HTR1F: variants seen among roughly 807,000 people sequenced by gnomAD.
HTR1F encodes the protein 5-hydroxytryptamine (serotonin) receptor 1F, G protein-coupled.
A neutral mutation model predicts 24.0 loss-of-function variants in HTR1F; 17 were observed. The ratio of observed to expected loss-of-function variants is 0.71; its 90% confidence interval spans 0.48 to 1.06. HTR1F has a LOEUF of 1.06. HTR1F is among the 50% of genes least tolerant of loss of function. HTR1F has a pLI of 0.00. For synonymous variants in HTR1F, 186 were observed against 156.8 expected (o/e 1.19, Z -1.39); for missense variants, 391 against 427.8 (o/e 0.91, Z 0.76).
intron 1 of HTR1F, among the ~76,000 whole-genome samples, chr3:87,810,052 A>C: frequency 6.6e-6 from 1 of 151,862 alleles, no homozygotes; most frequent in Non-Finnish European, 1.5e-5. Flanking sequence ...AACAAGTTTC[A>C]GTGTTTTATT....
At chr3:87,952,318 T>C (rs1427863226) in intron 2 of HTR1F, among the ~76,000 whole-genome samples, 1 of 152,054 alleles carries the variant, frequency 6.6e-6, no homozygotes. Flanking sequence ...CCTGGGCTTA[T>C]AGTTTCTAAA....
chr3:87,861,108 G>A (rs9849417), intron 2 of HTR1F, among the ~76,000 whole-genome samples: 10,549 of 152,230 alleles, frequency 0.069, 1,169 homozygotes, highest in African/African-American at 0.23. Flanking sequence ...TGTGAGCCAA[G>A]ATCGCACCAC....
rs774079811 is a variant in HTR1F at position 87,915,236 on chromosome 3, C to A, written c.-42-75472C>A. 6.6e-5 allele frequency among the ~76,000 whole-genome samples: 10 copies of A among 152,148 alleles called. No homozygotes were observed. The South Asian group carries it at 1.7e-3, about 25-fold the overall frequency. ...GGCCTAGACCTCCCCTCTGACAGAGCCTACCCAAATGAGAAGGAACCAGAA... is the reference window on the plus strand; with the variant it reads ...GGCCTAGACCTCCCCTCTGACAGAGACTACCCAAATGAGAAGGAACCAGAA... On this transcript the variant is annotated intron_variant, in intron 2 of 2. Transcript: ENST00000319595.
intron 2 of HTR1F, among the ~76,000 whole-genome samples, chr3:87,939,297 G>A (rs550512282): frequency 7.9e-5 from 12 of 152,242 alleles, no homozygotes; most frequent in African/African-American, 1.4e-4. Context: ...AAGGATTTTC[G>A]CGTTGATGTT....
chr3:87,901,507 A>G (rs571056885), intron 2 of HTR1F, among the ~76,000 whole-genome samples: 167 of 152,256 alleles, frequency 1.1e-3, no homozygotes, highest in African/African-American at 3.9e-3. Flanking sequence ...CTGTTGTACA[A>G]GCCACCCAAT....
At position 87,992,640 on chromosome 3, in the gene HTR1F, T is replaced by C. The variant is rs1445129188; in HGVS notation, c.*790T>C. 6.0e-6 allele frequency: 1 copy of C among 167,024 alleles called. No homozygotes were observed. The highest frequency in any genetic ancestry group is 1.5e-5 in the Non-Finnish European group (1 of 68,066). 10.3% of individuals were successfully genotyped at this position (167,024 alleles called of 1,614,324 possible). On this transcript the variant is annotated 3_prime_UTR_variant, in exon 3 of 3. Coordinates refer to ENST00000319595, the MANE Select transcript of HTR1F (RefSeq NM_001322209.2). Reference sequence around the variant, plus strand: ...TTGTTATAATTGCTCTCTGTTTACTTAGGAATCAAATTTAAAGCACTAAAT... The same window carrying C: ...TTGTTATAATTGCTCTCTGTTTACTCAGGAATCAAATTTAAAGCACTAAAT...
chr3:87,845,657 C>A lies in HTR1F; in HGVS notation c.-43+23533C>A, dbSNP rs372929774. Among the ~76,000 whole-genome samples, 4 of 151,624 alleles carry A rather than the reference C, an allele frequency of 2.6e-5. No homozygotes were observed. The East Asian group carries it at 5.8e-4, about 22-fold the overall frequency. On this transcript the variant is annotated intron_variant, in intron 2 of 2. Transcript: ENST00000319595. ...CAATATCATGAAAATGGCCATACTG[C>A]CCAAGGTAATTTACAGATTCAATGC...
At chr3:87,940,633 A>G (rs541417475) in intron 2 of HTR1F, among the ~76,000 whole-genome samples, 238 of 152,266 alleles carry the variant, frequency 1.6e-3, no homozygotes, top group Non-Finnish European at 1.4e-3. Context: ...ACTACTTTAA[A>G]TTTCTTATGG....
chr3:87,974,164 C>A (rs1559654121), intron 2 of HTR1F, among the ~76,000 whole-genome samples: 2 of 152,216 alleles, frequency 1.3e-5, no homozygotes, highest in East Asian at 1.9e-4. Flanking sequence ...CTATTACCCA[C>A]CTCATTGTTG....
chr3:87,916,309 G>GAAAAAAAA lies in HTR1F; in HGVS notation c.-42-74387_-42-74380dup, dbSNP rs34801984. On this transcript the variant is annotated intron_variant, in intron 2 of 2. Coordinates refer to ENST00000319595, the MANE Select transcript of HTR1F (RefSeq NM_001322209.2). ...AAAAATACAGTTAAAAAGCAAAAAA[G>GAAAAAAAA]AAAAAAAAAAAAAAAAAAACAAGGT... 1.2e-3 allele frequency among the ~76,000 whole-genome samples: 129 copies of GAAAAAAAA among 110,942 alleles called. 1 individual carries two copies. Among genetic ancestry groups the GAAAAAAAA allele is most frequent in the East Asian group, 1.7e-3 (6 of 3,592 alleles). 72.8% of individuals were successfully genotyped at this position (110,942 alleles called of 152,430 possible).
chr3:87,826,384 A>T (rs1460669382), intron 2 of HTR1F, among the ~76,000 whole-genome samples: 1 of 152,198 alleles, frequency 6.6e-6, no homozygotes, highest in African/African-American at 2.4e-5. Context: ...AATATTTCAT[A>T]GCTTTTTCTA....
chr3:87,901,027 A>T (rs1031467756), intron 2 of HTR1F, among the ~76,000 whole-genome samples: 14 of 152,198 alleles, frequency 9.2e-5, no homozygotes, highest in Admixed American at 8.5e-4. Flanking sequence ...TGGGTCTAGG[A>T]TAGACACTCC....
intron 2 of HTR1F, among the ~76,000 whole-genome samples, chr3:87,915,570 A>G (rs973929857): frequency 6.6e-6 from 1 of 152,160 alleles, no homozygotes; most frequent in African/African-American, 2.4e-5. Flanking sequence ...GCTCTGGAAA[A>G]TCGGAAGACC....
At chr3:87,875,381 T>A (rs1236498570) in intron 2 of HTR1F, among the ~76,000 whole-genome samples, 2 of 151,004 alleles carry the variant, frequency 1.3e-5, no homozygotes, top group Non-Finnish European at 3.0e-5. Context: ...CCCAGGGAGA[T>A]GGAGGTTGCA....
At position 87,881,705 on chromosome 3, in the gene HTR1F, C is replaced by T. The variant is rs552132785; in HGVS notation, c.-43+59581C>T. On this transcript the variant is annotated intron_variant, in intron 2 of 2. Transcript: ENST00000319595. ...CCTTCCTTACACCTTATACAAAAAT[C>T]AATTCAAGATGGATTAAAGACTTAA... 2.0e-3 allele frequency among the ~76,000 whole-genome samples: 305 copies of T among 152,232 alleles called. 1 individual carries two copies. Among genetic ancestry groups the T allele is most frequent in the Non-Finnish European group, 3.4e-3 (229 of 68,006 alleles).
At chr3:87,847,277 C>T (rs1267307015) in intron 2 of HTR1F, among the ~76,000 whole-genome samples, 1 of 151,776 alleles carries the variant, frequency 6.6e-6, no homozygotes, top group African/African-American at 2.4e-5. Flanking sequence ...GGTTAATTGT[C>T]ACAAATTTAC....
At chr3:87,844,117 T>G (rs1196822672) in intron 2 of HTR1F, among the ~76,000 whole-genome samples, 3 of 151,470 alleles carry the variant, frequency 2.0e-5, no homozygotes, top group African/African-American at 2.4e-5. Context: ...ACTTCCACAA[T>G]GGTTGAACTA....
intron 2 of HTR1F, among the ~76,000 whole-genome samples, chr3:87,881,519 G>A (rs1705799486): frequency 6.6e-6 from 1 of 152,164 alleles, no homozygotes; most frequent in African/African-American, 2.4e-5. Flanking sequence ...CTGAAAAAAA[G>A]GCAGCAGACA....
chr3:87,940,209 T>C (rs1165726159), intron 2 of HTR1F, among the ~76,000 whole-genome samples: 3 of 152,248 alleles, frequency 2.0e-5, no homozygotes, highest in Admixed American at 6.5e-5. Flanking sequence ...TCTAATTTGA[T>C]TGCACTGTGA....
Sources: allele counts gnomAD v4.1 joint callset (sites outside exome capture counted in the v4.1 genomes callset), GRCh38; gene constraint gnomAD v4.1.1; transcripts MANE v1.5; gene names NCBI Gene and HGNC (gene_info 2026-07-23, HGNC 2026-07-21).